Variants in SEMA5A observed in about 807,000 individuals in gnomAD.
SEMA5A encodes semaphorin 5A.
SEMA5A carries 55 observed loss-of-function variants against 135.5 expected under a neutral mutation model. The observed-to-expected ratio is 0.41, with a 90% CI of 0.33 to 0.51. The LOEUF is 0.51. SEMA5A is among the 20% of genes least tolerant of loss of function. SEMA5A has a pLI of 0.37. For synonymous variants in SEMA5A, 580 were observed against 546.5 expected (o/e 1.06, Z -0.85); for missense variants, 1,290 against 1,419.9 (o/e 0.91, Z 1.47).
At chr5:9,199,809 C>T (rs1265978728) in intron 9 of SEMA5A, among the ~76,000 whole-genome samples, 1 of 152,178 alleles carries the variant, frequency 6.6e-6, no homozygotes, top group Non-Finnish European at 1.5e-5. Context: ...AAAGCCAAAT[C>T]TTTAGAGACT....
intron 3 of SEMA5A, among the ~76,000 whole-genome samples, chr5:9,342,953 C>G (rs1386904878): frequency 6.6e-6 from 1 of 152,006 alleles, no homozygotes; most frequent in Non-Finnish European, 1.5e-5. Context: ...CTATACAGCA[C>G]ATTTGGAAAA....
chr5:9,264,387 G>GA (rs1293595817), intron 5 of SEMA5A, among the ~76,000 whole-genome samples: 4 of 151,956 alleles, frequency 2.6e-5, no homozygotes, highest in Non-Finnish European at 5.9e-5. Context: ...AAGAGGAAGT[G>GA]AAAAAAACAT....
chr5:9,479,725 T>G (rs111662508), intron 1 of SEMA5A, among the ~76,000 whole-genome samples: 10 of 152,314 alleles, frequency 6.6e-5, no homozygotes, highest in African/African-American at 2.4e-4. Context: ...GGGAAATCTT[T>G]GCTATTTCCC....
intron 15 of SEMA5A, 114 bp from the exon 16 acceptor site, chr5:9,108,401 G>T (rs959582984): frequency 3.2e-6 from 4 of 1,240,814 alleles, no homozygotes; most frequent in Non-Finnish European, 4.5e-6. Context: ...GCTCTGCGTG[G>T]AGGAGCTTTT....
intron 1 of SEMA5A, among the ~76,000 whole-genome samples, chr5:9,491,574 G>A (rs1485467178): frequency 2.0e-5 from 3 of 152,036 alleles, no homozygotes; most frequent in Non-Finnish European, 4.4e-5. Context: ...TTTATAACAG[G>A]CAATAAATAT....
At chr5:9,287,926 A>G (rs757848999) in intron 5 of SEMA5A, among the ~76,000 whole-genome samples, 2 of 151,688 alleles carry the variant, frequency 1.3e-5, no homozygotes, top group Non-Finnish European at 2.9e-5. Context: ...AACTCAATAG[A>G]TTCTGAATAT....
intron 10 of SEMA5A, among the ~76,000 whole-genome samples, chr5:9,192,515 G>C (rs1056216695): frequency 6.6e-6 from 1 of 152,066 alleles, no homozygotes; most frequent in African/African-American, 2.4e-5. Flanking sequence ...TGGCCAGAGG[G>C]AAATGAGTGA....
chr5:9,079,950 G>A (rs566663551), intron 16 of SEMA5A, among the ~76,000 whole-genome samples: 2 of 152,288 alleles, frequency 1.3e-5, no homozygotes, highest in South Asian at 2.1e-4. Flanking sequence ...CTGTTGGTGG[G>A]AATGTAAATT....
At chr5:9,088,013 C>T (rs935823512) in intron 16 of SEMA5A, among the ~76,000 whole-genome samples, 1 of 152,100 alleles carries the variant, frequency 6.6e-6, no homozygotes, top group Non-Finnish European at 1.5e-5. Flanking sequence ...AGTGGCCGGG[C>T]GTGGTGGCTC....
At chr5:9,469,477 C>T (rs935412588) in intron 1 of SEMA5A, among the ~76,000 whole-genome samples, 4 of 152,142 alleles carry the variant, frequency 2.6e-5, no homozygotes, top group Non-Finnish European at 4.4e-5. Context: ...ATTAAGCAAC[C>T]ATAAAAACAA....
chr5:9,083,025 C>T (rs1324172613), intron 16 of SEMA5A, among the ~76,000 whole-genome samples: 2 of 152,160 alleles, frequency 1.3e-5, no homozygotes, highest in African/African-American at 4.8e-5. Context: ...AGCTCATATT[C>T]TGTAAATAAG....
At chr5:9,093,715 CA>C (rs575871250) in intron 16 of SEMA5A, among the ~76,000 whole-genome samples, 3 of 150,366 alleles carry the variant, frequency 2.0e-5, no homozygotes, top group African/African-American at 4.9e-5. Context: ...AAAAACAAAA[CA>C]AAAAAAAACC....
chr5:9,375,366 C>T (rs1015121514), intron 3 of SEMA5A, among the ~76,000 whole-genome samples: 1 of 151,838 alleles, frequency 6.6e-6, no homozygotes, highest in Non-Finnish European at 1.5e-5. Context: ...AAAGAGAAGA[C>T]AAAAAGGCAG....
chr5:9,332,282 T>C (rs7702342), intron 4 of SEMA5A, among the ~76,000 whole-genome samples: 13,821 of 141,618 alleles, frequency 0.098, 1,547 homozygotes, highest in African/African-American at 0.28. Flanking sequence ...GTGTGCAAGG[T>C]GTGCAACTAT....
intron 12 of SEMA5A, among the ~76,000 whole-genome samples, chr5:9,141,997 A>C (rs1039243483): frequency 1.3e-5 from 2 of 152,238 alleles, no homozygotes; most frequent in Non-Finnish European, 2.9e-5. Flanking sequence ...TCATGTATCA[A>C]TTCAGCACAT....
intron 6 of SEMA5A, among the ~76,000 whole-genome samples, chr5:9,237,269 G>C (rs1275722878): frequency 3.9e-5 from 6 of 152,158 alleles, no homozygotes; most frequent in Non-Finnish European, 7.4e-5. Flanking sequence ...TTTTGAGCCA[G>C]AGAAACATTT....
chr5:9,111,084 G>A lies in SEMA5A; in HGVS notation c.1926-2797C>T, dbSNP rs368925406. Among the ~76,000 whole-genome samples, 9 of 152,302 alleles carry A rather than the reference G, an allele frequency of 5.9e-5. No homozygotes were observed. The South Asian group carries it at 1.0e-3, about 18-fold the overall frequency. On this transcript the variant is annotated intron_variant, in intron 15 of 22. Coordinates refer to ENST00000382496, the MANE Select transcript of SEMA5A (RefSeq NM_003966.3). ...CCAGGAGAAAATTGACACTTGTTTT[G>A]AGAACATATTTTGAGGAAGTCAAGA...
rs564963107 is a variant in SEMA5A at position 9,505,160 on chromosome 5, A to T, written c.-175+40424T>A. On this transcript the variant is annotated intron_variant, in intron 1 of 22. Coordinates refer to ENST00000382496, the MANE Select transcript of SEMA5A (RefSeq NM_003966.3). ...TAAAACAAAAAAAAAAAATCTAGAA[A>T]TATTTAGTATTCCTACAATGATAAG... Among the ~76,000 whole-genome samples the T allele has an allele frequency of 1.4e-4, 21 of 152,320 alleles. 1 individual carries two copies. In the South Asian group the frequency reaches 4.4e-3, roughly 32 times the overall value.
chr5:9,078,022 C>T (rs938732302), intron 16 of SEMA5A, among the ~76,000 whole-genome samples: 1 of 152,178 alleles, frequency 6.6e-6, no homozygotes, highest in African/African-American at 2.4e-5. Flanking sequence ...ATTACAGAGG[C>T]TGTGATTTGT....
Sources: allele counts gnomAD v4.1 joint callset (sites outside exome capture counted in the v4.1 genomes callset), GRCh38; gene constraint gnomAD v4.1.1; transcripts MANE v1.5; gene names NCBI Gene and HGNC (gene_info 2026-07-23, HGNC 2026-07-21).